The following ROBO2 variants were observed in gnomAD, a reference collection of about 807,000 sequenced individuals.
The protein encoded by ROBO2 is roundabout guidance receptor 2.
A neutral mutation model predicts 160.8 loss-of-function variants in ROBO2; 53 were observed. The ratio of observed to expected loss-of-function variants is 0.33; its 90% CI spans 0.26 to 0.41. The LOEUF (loss-of-function observed/expected upper bound fraction) is 0.41, where lower values mean the gene tolerates loss of function less well. ROBO2 is among the 10% of genes least tolerant of loss of function. The pLI, the probability that ROBO2 is intolerant of heterozygous loss-of-function variation, is 1.00. For synonymous variants in ROBO2, 664 were observed against 611.7 expected (o/e 1.09, Z -1.26); for missense variants, 1,577 against 1,722.4 (o/e 0.92, Z 1.49).
In ROBO2 at chr3:77,171,828, A is replaced by T. The variant is rs555394579; in HGVS notation, c.388+73488A>T. ...CCGTTCCATTGCTTCGGAATTTCAA[A>T]TAAGTTTAAAGAAAAAGATCAGCAT... On this transcript the variant is annotated intron_variant, in intron 2 of 25. Coordinates refer to ENST00000461745, the Ensembl canonical transcript of ROBO2. 4.6e-5 allele frequency among the ~76,000 whole-genome samples: 7 copies of T among 152,336 alleles called. No homozygotes were observed. The South Asian group carries it at 1.2e-3, about 27-fold the overall frequency.
intron 2 of ROBO2, among the ~76,000 whole-genome samples, chr3:77,143,968 C>T (rs1057388935): frequency 7.2e-5 from 11 of 152,126 alleles, no homozygotes; most frequent in African/African-American, 2.7e-4. Context: ...CTCCATGACA[C>T]GTGCTATTCT....
At chr3:77,313,653 C>T (rs1014977337) in intron 2 of ROBO2, among the ~76,000 whole-genome samples, 12 of 152,092 alleles carry the variant, frequency 7.9e-5, no homozygotes, top group Non-Finnish European at 1.2e-4. Context: ...GGCGTGATCT[C>T]GGCTCACTGC....
At chr3:76,859,984 G>A (rs554338786) in intron 2 of ROBO2, among the ~76,000 whole-genome samples, 2 of 152,186 alleles carry the variant, frequency 1.3e-5, no homozygotes, top group South Asian at 2.1e-4. Flanking sequence ...TATTATCTTC[G>A]ACTGCACATG....
chr3:76,080,765 G>A (rs1014270792), intron 2 of ROBO2, among the ~76,000 whole-genome samples: 1 of 152,086 alleles, frequency 6.6e-6, no homozygotes, highest in Non-Finnish European at 1.5e-5. Context: ...AATATGCCAA[G>A]GATATGTAGT....
At chr3:77,391,531 CTCCTT>C (rs1354006478) in intron 2 of ROBO2, among the ~76,000 whole-genome samples, 2 of 151,956 alleles carry the variant, frequency 1.3e-5, no homozygotes, top group Non-Finnish European at 2.9e-5. Context: ...TAGGGGAACT[CTCCTT>C]TATAAAACCA....
chr3:77,112,901 G>A (rs2073809359), intron 2 of ROBO2, among the ~76,000 whole-genome samples: 1 of 152,084 alleles, frequency 6.6e-6, no homozygotes, highest in Non-Finnish European at 1.5e-5. Flanking sequence ...TTTGCCTTAC[G>A]TTTTTCCTCA....
At chr3:76,651,233 A>G (rs1197837411) in intron 2 of ROBO2, among the ~76,000 whole-genome samples, 1 of 152,134 alleles carries the variant, frequency 6.6e-6, no homozygotes, top group East Asian at 1.9e-4. Context: ...ATTCTTCCTC[A>G]TCGCGGCCAG....
chr3:76,149,052 G>A (rs4487248), intron 2 of ROBO2, among the ~76,000 whole-genome samples: 22,256 of 151,794 alleles, frequency 0.15, 2,166 homozygotes, highest in Middle Eastern at 0.23. Context: ...AATTTTTCTC[G>A]TCTCTATAAG....
intron 2 of ROBO2, among the ~76,000 whole-genome samples, chr3:76,119,879 T>G: frequency 7.4e-6 from 1 of 135,838 alleles, no homozygotes; most frequent in African/African-American, 3.0e-5. Flanking sequence ...CTTCCTTCCC[T>G]TCCTTCCCTT....
At chr3:75,973,799 G>A (rs959431515) in intron 2 of ROBO2, among the ~76,000 whole-genome samples, 6 of 151,412 alleles carry the variant, frequency 4.0e-5, no homozygotes, top group Admixed American at 3.3e-4. Context: ...AGTGGCTTCC[G>A]AGTCATCAAA....
chr3:77,274,889 A>G (rs1243415400), intron 2 of ROBO2, among the ~76,000 whole-genome samples: 2 of 152,128 alleles, frequency 1.3e-5, no homozygotes, highest in Non-Finnish European at 2.9e-5. Context: ...GGTTTTTTAA[A>G]GACTGATTTA....
intron 2 of ROBO2, among the ~76,000 whole-genome samples, chr3:76,979,718 A>C (rs1017624513): frequency 6.6e-6 from 1 of 150,808 alleles, no homozygotes; most frequent in Admixed American, 6.7e-5. Context: ...GTGCAGAGAA[A>C]AGTAACATCT....
intron 2 of ROBO2, among the ~76,000 whole-genome samples, chr3:76,094,256 G>A (rs2069351230): frequency 6.6e-6 from 1 of 152,052 alleles, no homozygotes; most frequent in Admixed American, 6.6e-5. Flanking sequence ...TTGTAGGATC[G>A]GCCCATCCAG....
intron 2 of ROBO2, among the ~76,000 whole-genome samples, chr3:76,746,168 C>A (rs1249615253): frequency 6.6e-6 from 1 of 151,868 alleles, no homozygotes; most frequent in African/African-American, 2.4e-5. Context: ...TGAACTCATC[C>A]TTTTTTATGG....
chr3:76,018,870 G>T (rs1374654918), intron 2 of ROBO2, among the ~76,000 whole-genome samples: 1 of 151,798 alleles, frequency 6.6e-6, no homozygotes, highest in Non-Finnish European at 1.5e-5. Context: ...CTTGGAATTG[G>T]CTAATATTTG....
intron 2 of ROBO2, among the ~76,000 whole-genome samples, chr3:76,492,278 T>C (rs531875567): frequency 7.2e-5 from 11 of 152,308 alleles, no homozygotes; most frequent in Admixed American, 2.6e-4. Flanking sequence ...TTTCAATATT[T>C]GTTATTGAGA....
At chr3:76,218,330 A>G (rs1703708131) in intron 2 of ROBO2, among the ~76,000 whole-genome samples, 1 of 152,202 alleles carries the variant, frequency 6.6e-6, no homozygotes, top group Non-Finnish European at 1.5e-5. Flanking sequence ...AGGCAGGAGA[A>G]GGAAATAAAG....
At chr3:76,709,227 C>T (rs2107576729) in intron 2 of ROBO2, among the ~76,000 whole-genome samples, 1 of 152,250 alleles carries the variant, frequency 6.6e-6, no homozygotes, top group African/African-American at 2.4e-5. Context: ...TACATAAAAA[C>T]ACAGCTACCA....
intron 3 of ROBO2, among the ~76,000 whole-genome samples, chr3:77,478,720 A>G (rs2084331804): frequency 6.6e-6 from 1 of 152,226 alleles, no homozygotes; most frequent in Admixed American, 6.5e-5. Context: ...AAAAAACTAT[A>G]AAGTATTGGT....
Sources: allele counts gnomAD v4.1 joint callset (sites outside exome capture counted in the v4.1 genomes callset), GRCh38; gene constraint gnomAD v4.1.1; transcripts MANE v1.5; gene names NCBI Gene and HGNC (gene_info 2026-07-23, HGNC 2026-07-21).